Variants in CSGALNACT1 observed in about 807,000 individuals in gnomAD.
CSGALNACT1 encodes the protein beta4GalNAcT-1.
CSGALNACT1 carries 52 observed loss-of-function variants against 51.0 expected under a neutral mutation model. The observed-to-expected ratio is 1.02, with a 90% CI of 0.82 to 1.29. CSGALNACT1 has a LOEUF of 1.29. CSGALNACT1 is among the 50% of genes most tolerant of loss of function. The pLI, the probability that CSGALNACT1 is intolerant of heterozygous loss-of-function variation, is 0.00. For missense variants in CSGALNACT1, 935 were observed against 679.2 expected (o/e 1.38, Z -4.19); for synonymous variants, 341 against 254.4 (o/e 1.34, Z -3.24).
chr8:19,433,870 G>C (rs1205159906), intron 6 of CSGALNACT1, among the ~76,000 whole-genome samples: 1 of 152,198 alleles, frequency 6.6e-6, no homozygotes, highest in Non-Finnish European at 1.5e-5. Flanking sequence ...GTGTGGCCCA[G>C]AGAAGCCAAA....
intron 5 of CSGALNACT1, among the ~76,000 whole-genome samples, chr8:19,441,387 C>T (rs2061310530): frequency 6.6e-6 from 1 of 152,182 alleles, no homozygotes; most frequent in Non-Finnish European, 1.5e-5. Flanking sequence ...ATCAATGGAA[C>T]AGAACAGAGC....
chr8:19,550,979 C>G (rs185672326), intron 3 of CSGALNACT1, among the ~76,000 whole-genome samples: 1 of 152,310 alleles, frequency 6.6e-6, no homozygotes, highest in Admixed American at 6.5e-5. Flanking sequence ...TGGGCTCCCA[C>G]TACTCCTTAT....
intron 3 of CSGALNACT1, among the ~76,000 whole-genome samples, chr8:19,543,342 C>T (rs548758975): frequency 1.3e-5 from 2 of 152,332 alleles, no homozygotes; most frequent in Admixed American, 1.3e-4. Context: ...ACGCCTGAGG[C>T]TTTCCTTAGA....
intron 3 of CSGALNACT1, among the ~76,000 whole-genome samples, chr8:19,562,010 TCTC>T (rs1409355382): frequency 6.6e-6 from 1 of 152,228 alleles, no homozygotes; most frequent in East Asian, 1.9e-4. Context: ...GCTTCCACCT[TCTC>T]CTACTCCCTC....
intron 1 of CSGALNACT1, among the ~76,000 whole-genome samples, chr8:19,670,672 A>AAAAG (rs2059731827): frequency 4.2e-5 from 6 of 144,106 alleles, no homozygotes; most frequent in Non-Finnish European, 7.7e-5. Flanking sequence ...AAAAAAAAAA[A>AAAAG]AGAGAAAATA....
rs138141592 is a variant in CSGALNACT1, at chr8:19,496,243, C to T, written c.634+8958G>A. 3.5e-3 allele frequency among the ~76,000 whole-genome samples: 527 copies of T among 152,244 alleles called. 1 individual carries two copies. The highest frequency in any genetic ancestry group is 0.012 in the African/African-American group (486 of 41,524). The stretch of plus-strand genomic sequence containing the variant: ...TAAAAGATAGGGTTTTTAAAAAGAA[C>T]GCCGTTTCTTTAAATCACCACCATA... On this transcript the variant is annotated intron_variant, in intron 4 of 9. Coordinates refer to ENST00000454498, the Ensembl canonical transcript of CSGALNACT1.
intron 1 of CSGALNACT1, among the ~76,000 whole-genome samples, chr8:19,705,689 A>G (rs2062120975): frequency 6.6e-6 from 1 of 152,142 alleles, no homozygotes; most frequent in Non-Finnish European, 1.5e-5. Context: ...GTGAGCTGAG[A>G]TCGCACTACT....
At chr8:19,733,193 C>T (rs557500024) in intron 1 of CSGALNACT1, among the ~76,000 whole-genome samples, 1 of 152,106 alleles carries the variant, frequency 6.6e-6, no homozygotes, top group African/African-American at 2.4e-5. Flanking sequence ...CATAGCAGTG[C>T]TTTATATGGA....
At chr8:19,449,991 A>C (rs2062808865) in intron 5 of CSGALNACT1, among the ~76,000 whole-genome samples, 2 of 147,030 alleles carry the variant, frequency 1.4e-5, no homozygotes, top group South Asian at 4.6e-4. Context: ...AGAATATGGA[A>C]GGTAAGAAAC....
intron 1 of CSGALNACT1, chr8:19,678,842 G>A (rs1300652353): frequency 6.6e-6 from 1 of 152,174 alleles, no homozygotes; most frequent in African/African-American, 2.4e-5. Flanking sequence ...GTGACACCAA[G>A]CAGGTAAGAC....
At chr8:19,427,341 C>T (rs944142177) in intron 6 of CSGALNACT1, among the ~76,000 whole-genome samples, 1 of 152,164 alleles carries the variant, frequency 6.6e-6, no homozygotes, top group African/African-American at 2.4e-5. Flanking sequence ...TCTTGCCCAC[C>T]GAATGCATAC....
chr8:19,574,867 T>G (rs574678444), intron 3 of CSGALNACT1, among the ~76,000 whole-genome samples: 1 of 152,068 alleles, frequency 6.6e-6, no homozygotes, highest in South Asian at 2.1e-4. Context: ...AAATCCCGTC[T>G]CTACTAAAAA....
intron 1 of CSGALNACT1, among the ~76,000 whole-genome samples, chr8:19,712,094 C>T (rs976013982): frequency 2.0e-5 from 3 of 152,132 alleles, no homozygotes; most frequent in African/African-American, 4.8e-5. Context: ...GGCGCGATCT[C>T]GGCTCACTGC....
At chr8:19,601,672 C>A (rs59047686) in intron 2 of CSGALNACT1, 99 bp downstream of exon 2, 39,567 of 353,214 alleles carry the variant, frequency 0.11, 2,569 homozygotes, top group African/African-American at 0.2. Context: ...AAGCTATTGA[C>A]AGTAGAATGA....
chr8:19,616,167 A>T (rs1046006415), intron 1 of CSGALNACT1, among the ~76,000 whole-genome samples: 33 of 152,348 alleles, frequency 2.2e-4, no homozygotes, highest in African/African-American at 7.0e-4. Flanking sequence ...ACCTCAATTT[A>T]TCTTAAATAT....
intron 2 of CSGALNACT1, among the ~76,000 whole-genome samples, chr8:19,597,314 G>A (rs62494470): frequency 5.9e-5 from 5 of 85,372 alleles, no homozygotes; most frequent in African/African-American, 1.6e-4. Flanking sequence ...TTTTTTTTTG[G>A]AGAGGAGGTC....
chr8:19,579,280 A>G (rs912118072), intron 3 of CSGALNACT1, among the ~76,000 whole-genome samples: 3 of 152,150 alleles, frequency 2.0e-5, no homozygotes, highest in African/African-American at 7.2e-5. Context: ...TGTCCTCTAC[A>G]CTGCTGAAAG....
chr8:19,476,080 T>G (rs1380479007), intron 4 of CSGALNACT1, among the ~76,000 whole-genome samples: 3 of 152,182 alleles, frequency 2.0e-5, no homozygotes, highest in Non-Finnish European at 2.9e-5. Flanking sequence ...TAATGTATCC[T>G]ATGACTGAGG....
chr8:19,506,715 C>G (rs1285396324), intron 3 of CSGALNACT1, among the ~76,000 whole-genome samples: 2 of 152,130 alleles, frequency 1.3e-5, no homozygotes, highest in Non-Finnish European at 2.9e-5. Context: ...TGAAAAGAGC[C>G]TGGCTCTTTG....
Sources: gnomAD v4.1 joint callset for allele counts (sites outside exome capture counted in the v4.1 genomes callset) on GRCh38, gnomAD v4.1.1 for gene constraint, MANE v1.5 for transcripts, NCBI Gene and HGNC (gene_info 2026-07-23, HGNC 2026-07-21) for gene names.